DNM3: variants seen among roughly 807,000 people sequenced by gnomAD.
DNM3 encodes the protein dynamin 3.
A neutral mutation model predicts 101.6 loss-of-function variants in DNM3; 47 were observed. That is an observed-to-expected ratio of 0.46 (90% CI 0.37 to 0.59). The LOEUF is 0.59. Among genes scored for constraint, DNM3 ranks in the 20% least tolerant of loss-of-function variants. The pLI is 0.00. For missense variants in DNM3, 849 were observed against 1,085.7 expected, an observed-to-expected ratio of 0.78 and a Z score of 3.06; for synonymous variants, 385 against 387.9, an observed-to-expected ratio of 0.99 and a Z score of 0.09.
At chr1:172,334,428 A>G (rs2066329326) in intron 17 of DNM3, among the ~76,000 whole-genome samples, 2 of 152,174 alleles carry the variant, frequency 1.3e-5, no homozygotes, top group African/African-American at 2.4e-5. Context: ...TGAACATCCT[A>G]TGATGCACAG....
intron 1 of DNM3, among the ~76,000 whole-genome samples, chr1:171,898,582 C>G (rs1479948928): frequency 6.6e-6 from 1 of 151,898 alleles, no homozygotes; most frequent in Admixed American, 6.6e-5. Flanking sequence ...AAATAAAAAT[C>G]ACCTATAATC....
intron 1 of DNM3, among the ~76,000 whole-genome samples, chr1:171,915,050 G>A (rs1360679631): frequency 6.6e-6 from 1 of 152,154 alleles, no homozygotes; most frequent in Non-Finnish European, 1.5e-5. Context: ...TTACACTAGA[G>A]GACAAGGCTT....
chr1:172,325,852 GACTCTAGAGCAAA>G (rs1437651938), intron 17 of DNM3, among the ~76,000 whole-genome samples: 1 of 152,172 alleles, frequency 6.6e-6, no homozygotes, highest in Non-Finnish European at 1.5e-5. Flanking sequence ...CTATTAACCA[GACTCTAGAGCAAA>G]TGAAGTCTGC....
chr1:172,375,882 G>A (rs929466682), intron 17 of DNM3, among the ~76,000 whole-genome samples: 12 of 149,664 alleles, frequency 8.0e-5, no homozygotes, highest in African/African-American at 2.9e-4. Context: ...GGCGTGGCAT[G>A]TAGTTACAGC....
At chr1:172,266,620 T>C (rs2062868916) in intron 15 of DNM3, among the ~76,000 whole-genome samples, 1 of 152,192 alleles carries the variant, frequency 6.6e-6, no homozygotes, top group Non-Finnish European at 1.5e-5. Flanking sequence ...GCTTGTCTTC[T>C]AAATACCCTG....
chr1:171,883,426 G>A (rs2036495788), intron 1 of DNM3, among the ~76,000 whole-genome samples: 1 of 143,524 alleles, frequency 7.0e-6, no homozygotes, highest in Non-Finnish European at 1.5e-5. Flanking sequence ...CTGTCAGAAT[G>A]AATACCATCA....
At chr1:172,066,093 T>C (rs1002928120) in intron 10 of DNM3, among the ~76,000 whole-genome samples, 1 of 152,146 alleles carries the variant, frequency 6.6e-6, no homozygotes, top group Non-Finnish European at 1.5e-5. Flanking sequence ...TAACTCCTTA[T>C]GAGTTTGGAG....
chr1:172,032,021 A>T (rs1285863166), intron 4 of DNM3, among the ~76,000 whole-genome samples: 1 of 152,124 alleles, frequency 6.6e-6, no homozygotes. Context: ...TTATTTGTTT[A>T]TTTGCTTTTA....
chr1:171,959,746 G>T (rs542127546), intron 2 of DNM3, among the ~76,000 whole-genome samples: 3 of 152,200 alleles, frequency 2.0e-5, no homozygotes, highest in Non-Finnish European at 2.9e-5. Context: ...AAGCCAAGGA[G>T]GTAAAGTGTT....
chr1:172,092,422 T>A (rs2053972704), intron 12 of DNM3, among the ~76,000 whole-genome samples: 1 of 152,218 alleles, frequency 6.6e-6, no homozygotes, highest in Admixed American at 6.5e-5. Context: ...TAATCGTAAC[T>A]GCTTCATGGG....
intron 17 of DNM3, among the ~76,000 whole-genome samples, chr1:172,324,039 T>C (rs2148916375): frequency 6.6e-6 from 1 of 152,344 alleles, no homozygotes; most frequent in South Asian, 2.1e-4. Context: ...ATTTAATAGT[T>C]CATGGGGTTG....
chr1:172,203,582 C>T (rs1176895149), intron 14 of DNM3, among the ~76,000 whole-genome samples: 1 of 152,110 alleles, frequency 6.6e-6, no homozygotes, highest in East Asian at 1.9e-4. Flanking sequence ...GTGAAGTAGA[C>T]TCATGTTATT....
chr1:172,190,047 A>G (rs1448627019), intron 14 of DNM3, among the ~76,000 whole-genome samples: 1 of 148,136 alleles, frequency 6.8e-6, no homozygotes, highest in Non-Finnish European at 1.5e-5. Flanking sequence ...GTTCTAGGGT[A>G]CATGTGCACA....
At chr1:172,270,156 G>A (rs889109227) in intron 15 of DNM3, among the ~76,000 whole-genome samples, 1 of 151,584 alleles carries the variant, frequency 6.6e-6, no homozygotes, top group African/African-American at 2.4e-5. Flanking sequence ...TTGAATAATG[G>A]CATCTCTGGC....
At chr1:172,286,797 C>T (rs774815751) in intron 15 of DNM3, among the ~76,000 whole-genome samples, 7 of 152,146 alleles carry the variant, frequency 4.6e-5, no homozygotes, top group African/African-American at 7.2e-5. Flanking sequence ...AGTTACTTCC[C>T]CTGTCTAGTT....
chr1:172,388,010 G>T (rs534979966), intron 19 of DNM3, among the ~76,000 whole-genome samples: 7 of 152,152 alleles, frequency 4.6e-5, no homozygotes, highest in Non-Finnish European at 8.8e-5. Context: ...GAGGCAAGCG[G>T]ATCACCTAAG....
intron 1 of DNM3, among the ~76,000 whole-genome samples, chr1:171,901,250 T>C (rs1286632129): frequency 6.7e-6 from 1 of 149,968 alleles, no homozygotes; most frequent in Admixed American, 6.7e-5. Flanking sequence ...GAAAAAAAAA[T>C]CATCTATGAT....
At chr1:172,070,536 A>C (rs568233087) in intron 11 of DNM3, among the ~76,000 whole-genome samples, 19 of 152,216 alleles carry the variant, frequency 1.2e-4, no homozygotes, top group Non-Finnish European at 2.6e-4. Context: ...ATTTGTAATC[A>C]TATCTATGTC....
intron 15 of DNM3, among the ~76,000 whole-genome samples, chr1:172,305,316 T>A (rs535073954): frequency 5.9e-5 from 9 of 152,084 alleles, no homozygotes; most frequent in Non-Finnish European, 1.2e-4. Context: ...ACATACACCA[T>A]CCTAAGACTA....
Sources: gnomAD v4.1 joint callset for allele counts (sites outside exome capture counted in the v4.1 genomes callset) on GRCh38, gnomAD v4.1.1 for gene constraint, MANE v1.5 for transcripts, NCBI Gene and HGNC (gene_info 2026-07-23, HGNC 2026-07-21) for gene names.